The following ANK2 variants were observed in gnomAD, a reference collection of about 807,000 sequenced individuals.
The protein encoded by ANK2 is ankyrin 2.
A neutral mutation model predicts 360.5 loss-of-function variants in ANK2; 83 were observed. That is an observed-to-expected ratio of 0.23 (90% CI 0.19 to 0.28). The LOEUF (loss-of-function observed/expected upper bound fraction) is 0.28, where lower values mean the gene tolerates loss of function less well. Ranked by LOEUF, ANK2 falls within the 10% of genes least tolerant of loss-of-function variation. The pLI is 1.00. For synonymous variants in ANK2, 1,740 were observed against 1,759.5 expected (o/e 0.99, Z 0.28); for missense variants, 4,201 against 4,795.7 (o/e 0.88, Z 3.66).
chr4:112,816,347 A>T (rs545688624), upstream of ANK2, among the ~76,000 whole-genome samples: 1 of 152,290 alleles, frequency 6.6e-6, no homozygotes, highest in Admixed American at 6.5e-5. Context: ...TTGGAATCTC[A>T]TATTGAATTC....
At chr4:113,127,152 T>C (rs72892034) in intron 1 of ANK2, among the ~76,000 whole-genome samples, 1,711 of 152,336 alleles carry the variant, frequency 0.011, 30 homozygotes, top group African/African-American at 0.038. Context: ...ATTTATCTTC[T>C]TTCATGTCTT....
the ANK2 span, among the ~76,000 whole-genome samples, chr4:112,781,744 T>C: frequency 5.3e-5 from 8 of 152,202 alleles, no homozygotes; most frequent in Non-Finnish European, 8.8e-5. Context: ...CTTATAAGTA[T>C]TTATGACACA....
intron 1 of ANK2, among the ~76,000 whole-genome samples, chr4:112,851,402 C>T (rs144341746): frequency 5.6e-4 from 86 of 152,260 alleles, no homozygotes; most frequent in African/African-American, 2.0e-3. Context: ...CTGGACATCC[C>T]TCCACATGGA....
chr4:112,784,146 G>C, the ANK2 span, among the ~76,000 whole-genome samples: 1 of 151,944 alleles, frequency 6.6e-6, no homozygotes, highest in East Asian at 1.9e-4. Flanking sequence ...AATACATATG[G>C]CATACTTAAA....
At chr4:112,935,874 A>G (rs547628924) in intron 2 of ANK2, among the ~76,000 whole-genome samples, 2 of 151,694 alleles carry the variant, frequency 1.3e-5, no homozygotes, top group Admixed American at 6.6e-5. Flanking sequence ...AAACAAACAA[A>G]CTCAACCAAG....
intron 1 of ANK2, among the ~76,000 whole-genome samples, chr4:113,170,798 T>A (rs2097915918): frequency 6.6e-6 from 1 of 152,220 alleles, no homozygotes. Flanking sequence ...GTGTCAAGAA[T>A]AATTTAATGG....
chr4:113,372,403 C>T (rs1241291790), intron 43 of ANK2: 2 of 601,584 alleles, frequency 3.3e-6, no homozygotes, highest in African/African-American at 1.9e-5. Context: ...TTGTTTTCAC[C>T]TCTACCAACT....
At chr4:113,298,109 A>C (rs1175752581) in intron 22 of ANK2, among the ~76,000 whole-genome samples, 2 of 152,074 alleles carry the variant, frequency 1.3e-5, no homozygotes, top group African/African-American at 4.8e-5. Context: ...ATCTTTTTAG[A>C]CTTTTGACAT....
chr4:113,211,548 A>G (rs2099021732), intron 4 of ANK2, among the ~76,000 whole-genome samples: 1 of 152,194 alleles, frequency 6.6e-6, no homozygotes, highest in Non-Finnish European at 1.5e-5. Flanking sequence ...TGTTTTAACT[A>G]TTTTGAAGAC....
chr4:113,010,174 G>C (rs1230206301), intron 2 of ANK2, among the ~76,000 whole-genome samples: 1 of 152,092 alleles, frequency 6.6e-6, no homozygotes, highest in Non-Finnish European at 1.5e-5. Flanking sequence ...ATATCAGTAA[G>C]ATTGTATAAT....
intron 20 of ANK2, among the ~76,000 whole-genome samples, chr4:113,288,943 G>T (rs2066154606): frequency 6.6e-6 from 1 of 152,128 alleles, no homozygotes; most frequent in African/African-American, 2.4e-5. Flanking sequence ...AGGCAATAAT[G>T]TATAAGGCCT....
intron 1 of ANK2, among the ~76,000 whole-genome samples, chr4:113,054,879 A>AT (rs2068839389): frequency 6.6e-6 from 1 of 152,018 alleles, no homozygotes; most frequent in South Asian, 2.1e-4. Flanking sequence ...TATGATATTA[A>AT]TTTTTTCACT....
chr4:113,336,783 T>C lies in ANK2; in HGVS notation c.3796+2T>C, dbSNP rs1563865182. 4 of 1,613,642 alleles carry C rather than the reference T, an allele frequency of 2.5e-6. No individual in the cohort carries two copies. Among genetic ancestry groups the C allele is most frequent in the Non-Finnish European group, 3.4e-6 (4 of 1,179,576 alleles). ...TAAGATTACTATGCAGCATAACAGG[T>C]GAGTCACATATGACTGTGTTCGTAG... On this transcript the variant is annotated splice_donor_variant, in intron 31 of 45. Coordinates refer to ENST00000357077, the MANE Select transcript of ANK2 (RefSeq NM_001148.6). LOFTEE classifies it high-confidence loss of function.
At chr4:113,172,673 A>G (rs2098026515) in intron 1 of ANK2, among the ~76,000 whole-genome samples, 1 of 152,208 alleles carries the variant, frequency 6.6e-6, no homozygotes, top group African/African-American at 2.4e-5. Context: ...TATAATATAT[A>G]GCACACAGAT....
In ANK2 at chr4:113,242,185, C is replaced by T. The variant is rs113692517; in HGVS notation, c.867C>T (p.Gly289=). Residue 289 remains glycine, a synonymous_variant, in exon 9 of 46, where the codon GGC becomes GGT. Coordinates refer to ENST00000357077, the MANE Select transcript of ANK2 (RefSeq NM_001148.6). The stretch of plus-strand genomic sequence containing the variant: ...TGGTGAAGCTCTTACTGGATCGAGG[C>T]GGTCAGATCGATGCCAAAACTAGGG... ...TNMVKLLLDR[G]GQIDAKTRDG... is the part of the protein sequence containing the mutation. 123 of 1,613,820 alleles carry T rather than the reference C, an allele frequency of 7.6e-5. 3 individuals carry two copies. In the African/African-American group the frequency reaches 1.4e-3, roughly 18 times the overall value.
At chr4:112,738,412 CAAAA>C in the ANK2 span, among the ~76,000 whole-genome samples, 1 of 51,000 alleles carries the variant, frequency 2.0e-5, no homozygotes. Flanking sequence ...GAGTCTGTCT[CAAAA>C]AAAAAAAAAA....
intron 2 of ANK2, among the ~76,000 whole-genome samples, chr4:113,189,745 C>T (rs1405328443): frequency 1.3e-5 from 2 of 152,186 alleles, no homozygotes; most frequent in African/African-American, 4.8e-5. Flanking sequence ...ATTCCGATGT[C>T]ACCGTTGGTG....
intron 1 of ANK2, among the ~76,000 whole-genome samples, chr4:113,115,823 C>T (rs999171834): frequency 6.6e-6 from 1 of 152,122 alleles, no homozygotes; most frequent in Non-Finnish European, 1.5e-5. Flanking sequence ...TTATTTTACT[C>T]TTTTCCTAAC....
At chr4:112,831,346 A>G (rs1277875562) in intron 1 of ANK2, among the ~76,000 whole-genome samples, 3 of 152,232 alleles carry the variant, frequency 2.0e-5, no homozygotes, top group Non-Finnish European at 2.9e-5. Flanking sequence ...CTCTGTGTCT[A>G]GCTCAAGGTT....
Sources: gnomAD v4.1 joint callset for allele counts (sites outside exome capture counted in the v4.1 genomes callset) on GRCh38, gnomAD v4.1.1 for gene constraint, MANE v1.5 for transcripts, NCBI Gene and HGNC (gene_info 2026-07-23, HGNC 2026-07-21) for gene names.